TMEM132C: variants seen among roughly 807,000 people sequenced by gnomAD.
The protein encoded by TMEM132C is protein phosphatase 1, regulatory subunit 152.
In TMEM132C, 29 loss-of-function variants were observed where a neutral mutation model predicts 61.4. The observed-to-expected ratio is 0.47, with a 90% CI of 0.35 to 0.64. TMEM132C has a LOEUF of 0.64. Ranked by LOEUF, TMEM132C falls within the 30% of genes least tolerant of loss-of-function variation. TMEM132C has a pLI of 0.00. For synonymous variants in TMEM132C, 656 were observed against 633.1 expected (o/e 1.04, Z -0.54); for missense variants, 1,408 against 1,476.9 (o/e 0.95, Z 0.76).
intron 3 of TMEM132C, among the ~76,000 whole-genome samples, chr12:128,606,708 C>T (rs749978821): frequency 1.3e-4 from 20 of 152,060 alleles, no homozygotes; most frequent in Non-Finnish European, 2.9e-4. Context: ...GCCTGGCTTC[C>T]AAAGGCGCTT....
intron 1 of TMEM132C, among the ~76,000 whole-genome samples, chr12:128,348,435 A>G (rs1369058182): frequency 6.6e-6 from 1 of 152,182 alleles, no homozygotes; most frequent in East Asian, 1.9e-4. Context: ...TTCGTTACCT[A>G]AATGCCCTAA....
chr12:128,420,091 G>A (rs999237223), intron 2 of TMEM132C, among the ~76,000 whole-genome samples: 17 of 152,180 alleles, frequency 1.1e-4, no homozygotes, highest in African/African-American at 4.1e-4. Flanking sequence ...AGCTACTTGG[G>A]AGGCTGAGGC....
At chr12:128,334,755 C>G (rs1250628835) in intron 1 of TMEM132C, among the ~76,000 whole-genome samples, 1 of 152,080 alleles carries the variant, frequency 6.6e-6, no homozygotes, top group East Asian at 1.9e-4. Context: ...GCCACCATGC[C>G]TGGCTAATTT....
At position 128,657,517 on chromosome 12, in the gene TMEM132C, G is replaced by A. The variant is rs1335628037; in HGVS notation, c.1306-11900G>A. ...GATCCTGCCATGGGGTGACACCGGGGCTCAATCTGATTGGATCCTGCCATG... is the reference window on the plus strand; with the variant it reads ...GATCCTGCCATGGGGTGACACCGGGACTCAATCTGATTGGATCCTGCCATG... On this transcript the variant is annotated intron_variant, in intron 4 of 8. Coordinates refer to ENST00000435159, the MANE Select transcript of TMEM132C (RefSeq NM_001136103.3). Among the ~76,000 whole-genome samples the A allele has an allele frequency of 2.0e-5, 3 of 152,090 alleles. No homozygotes were observed. In the East Asian group the frequency reaches 5.8e-4, roughly 29 times the overall value.
intron 2 of TMEM132C, among the ~76,000 whole-genome samples, chr12:128,471,991 C>T (rs1870968471): frequency 6.6e-6 from 1 of 152,144 alleles, no homozygotes; most frequent in Admixed American, 6.5e-5. Context: ...AATCAAACCG[C>T]ACTGGCTGGC....
chr12:128,440,844 T>A (rs1869758341), intron 2 of TMEM132C, among the ~76,000 whole-genome samples: 1 of 151,046 alleles, frequency 6.6e-6, no homozygotes, highest in Non-Finnish European at 1.5e-5. Flanking sequence ...AGATGAAGAG[T>A]TCAAGACCAG....
intron 1 of TMEM132C, among the ~76,000 whole-genome samples, chr12:128,309,464 C>T (rs937264037): frequency 6.6e-6 from 1 of 152,182 alleles, no homozygotes; most frequent in Non-Finnish European, 1.5e-5. Flanking sequence ...GTGCAACCAT[C>T]ACATCTCTCT....
chr12:128,469,930 CAT>C (rs1010653688), intron 2 of TMEM132C, among the ~76,000 whole-genome samples: 7 of 152,080 alleles, frequency 4.6e-5, no homozygotes, highest in African/African-American at 9.7e-5. Flanking sequence ...AATACATACA[CAT>C]ATGTGTGTAC....
rs867306085 is a variant in TMEM132C at position 128,551,218 on chromosome 12, C to G, written c.1121+7115C>G. 7.1e-4 allele frequency among the ~76,000 whole-genome samples: 102 copies of G among 142,864 alleles called. 2 individuals carry two copies. The highest frequency in any genetic ancestry group is 2.8e-3 in the African/African-American group (93 of 33,234). 93.7% of individuals were successfully genotyped at this position (142,864 alleles called of 152,430 possible). A position where few individuals can be genotyped will look rare whatever the true frequency, so the allele number is the denominator to read the frequency against. On this transcript the variant is annotated intron_variant, in intron 3 of 8. Coordinates refer to ENST00000435159, the MANE Select transcript of TMEM132C (RefSeq NM_001136103.3). ...TCTCAGAAACATAAGAGCCCCCCCC[C>G]TCCCGCTTCCTCCCCTGGTGAAATG... is the stretch of plus-strand genomic sequence containing the variant.
intron 1 of TMEM132C, among the ~76,000 whole-genome samples, chr12:128,331,172 C>T (rs1872656712): frequency 6.6e-6 from 1 of 151,996 alleles, no homozygotes; most frequent in African/African-American, 2.4e-5. Context: ...TCCAACAGTC[C>T]TCCCTCCATC....
intron 3 of TMEM132C, among the ~76,000 whole-genome samples, chr12:128,544,813 A>G (rs10847647): frequency 0.23 from 35,283 of 152,134 alleles, 4,145 homozygotes; most frequent in South Asian, 0.28. Flanking sequence ...GGACACTACA[A>G]TTTTCACTTG....
intron 3 of TMEM132C, among the ~76,000 whole-genome samples, chr12:128,548,508 G>T (rs1395691528): frequency 6.6e-6 from 1 of 152,174 alleles, no homozygotes. Flanking sequence ...AGTCAGCTAT[G>T]TAAGGACCCC....
chr12:128,469,317 A>G (rs1870851626), intron 2 of TMEM132C, among the ~76,000 whole-genome samples: 1 of 150,102 alleles, frequency 6.7e-6, no homozygotes, highest in African/African-American at 2.5e-5. Context: ...CACAAGTAAT[A>G]TCATAAAGCA....
chr12:128,399,654 A>T (rs888946349), intron 1 of TMEM132C, among the ~76,000 whole-genome samples: 2 of 152,178 alleles, frequency 1.3e-5, no homozygotes, highest in African/African-American at 4.8e-5. Flanking sequence ...ACACTAAGAA[A>T]GTTCTCCTAT....
chr12:128,611,814 C>G (rs1876643720), intron 3 of TMEM132C, among the ~76,000 whole-genome samples: 1 of 152,184 alleles, frequency 6.6e-6, no homozygotes. Context: ...ATCTTCTGCT[C>G]TCTAGTACCA....
At chr12:128,404,170 AT>A (rs1430703511) in intron 1 of TMEM132C, among the ~76,000 whole-genome samples, 1 of 152,118 alleles carries the variant, frequency 6.6e-6, no homozygotes, top group African/African-American at 2.4e-5. Flanking sequence ...CCCTAAAACA[AT>A]TCCACTTGTG....
chr12:128,606,722 T>C (rs755547578), intron 3 of TMEM132C, among the ~76,000 whole-genome samples: 4 of 152,008 alleles, frequency 2.6e-5, no homozygotes, highest in African/African-American at 9.7e-5. Flanking sequence ...GGCGCTTGAG[T>C]TTGTGGACTC....
chr12:128,687,027 T>C (rs1421011886), intron 5 of TMEM132C, among the ~76,000 whole-genome samples: 2 of 151,748 alleles, frequency 1.3e-5, no homozygotes, highest in Non-Finnish European at 2.9e-5. Context: ...TGAAACCTCA[T>C]CTTTACTAAA....
chr12:128,599,216 T>C (rs1316491269), intron 3 of TMEM132C, among the ~76,000 whole-genome samples: 1 of 152,196 alleles, frequency 6.6e-6, no homozygotes, highest in Non-Finnish European at 1.5e-5. Flanking sequence ...ACCCTGAAGG[T>C]GGAAGCATCT....
Sources: allele counts gnomAD v4.1 joint callset (sites outside exome capture counted in the v4.1 genomes callset), GRCh38; gene constraint gnomAD v4.1.1; transcripts MANE v1.5; gene names NCBI Gene and HGNC (gene_info 2026-07-23, HGNC 2026-07-21).